The following WNT1 variants were observed in gnomAD, a reference collection of about 807,000 sequenced individuals.
WNT1 encodes proto-oncogene Wnt-1.
Under a neutral mutation model 21.3 loss-of-function variants are expected in WNT1, and 10 were observed. The ratio of observed to expected loss-of-function variants is 0.47; its 90% CI spans 0.29 to 0.80. The LOEUF (loss-of-function observed/expected upper bound fraction) is 0.80. WNT1 is among the 30% of genes least tolerant of loss of function. WNT1 has a pLI of 0.09. For missense variants in WNT1, 476 were observed against 534.1 expected, an observed-to-expected ratio of 0.89 and a Z score of 1.07; for synonymous variants, 208 against 236.3, an observed-to-expected ratio of 0.88 and a Z score of 1.10.
Position 48,981,780 on chromosome 12 carries a change from C to A in WNT1, c.*140C>A. On this transcript the variant is annotated 3_prime_UTR_variant, in exon 4 of 4. Transcript: ENST00000293549. The surrounding 1 kb of genome is among the most constrained non-coding windows in gnomAD (Gnocchi z 7.4). ...CGCGGTTCATACGCATCCCATCTCT[C>A]CCACTTCCTCCTACCTGGGGACTCC... 1 of 1,197,952 alleles carries A rather than the reference C, an allele frequency of 8.3e-7. No individual in the cohort carries two copies. The highest frequency in any genetic ancestry group is 1.1e-6 in the Non-Finnish European group (1 of 905,464). The allele number at this position is 1,197,952 out of a possible 1,614,324, so 74.2% of individuals were successfully genotyped here.
At position 48,978,446 on chromosome 12, in the gene WNT1, A is replaced by C; in HGVS notation, c.-205A>C. 3.4e-6 allele frequency: 2 copies of C among 582,600 alleles called. No individual in the cohort carries two copies. Among genetic ancestry groups the C allele is most frequent in the Non-Finnish European group, 3.0e-6 (1 of 328,896 alleles). 36.1% of individuals were successfully genotyped at this position (582,600 alleles called of 1,614,324 possible). On this transcript the variant is annotated 5_prime_UTR_variant, in exon 1 of 4. Transcript: ENST00000293549. This position sits in a 1 kb window ranked among gnomAD's most constrained non-coding sequence, Gnocchi z 7.4. Reference sequence around the variant, plus strand: ...CGTCACTTCAGCCAGCGCCGCAACTATAAGAGGCGGTGCCGCCCGCCGTGG... The same window carrying C: ...CGTCACTTCAGCCAGCGCCGCAACTCTAAGAGGCGGTGCCGCCCGCCGTGG...
chr12:48,978,761 G>C lies in WNT1; in HGVS notation c.104+7G>C. 6.3e-7 allele frequency: 1 copy of C among 1,582,084 alleles called. No homozygotes were observed. Among genetic ancestry groups the C allele is most frequent in the Admixed American group, 1.7e-5 (1 of 58,882 alleles). On this transcript the variant is annotated splice_region_variant and intron_variant, in intron 1 of 3. Coordinates refer to ENST00000293549, the MANE Select transcript of WNT1 (RefSeq NM_005430.4). This position sits in a 1 kb window ranked among gnomAD's most constrained non-coding sequence, Gnocchi z 7.4. ...ACAGCAGTGGCCGATGGTGGTAAGT[G>C]AGCTGGTGCGGGGTCGCCACTTGTC... is the stretch of plus-strand genomic sequence containing the variant.
chr12:48,979,854 C>G lies in WNT1; in HGVS notation c.358+133C>G, dbSNP rs1940987346. ...ACACAATCAACCTTGCCAAGTGCCTCGTGCCCAGCGCCAGCTCGGGGCCAG... is the reference window on the plus strand; with the variant it reads ...ACACAATCAACCTTGCCAAGTGCCTGGTGCCCAGCGCCAGCTCGGGGCCAG... On this transcript the variant is annotated intron_variant, in intron 2 of 3. Coordinates refer to ENST00000293549, the MANE Select transcript of WNT1 (RefSeq NM_005430.4). This position sits in a 1 kb window ranked among gnomAD's most constrained non-coding sequence, Gnocchi z 6.0. The G allele has an allele frequency of 7.7e-6, 10 of 1,303,678 alleles. No homozygotes were observed. In the South Asian group the frequency reaches 1.6e-4, roughly 21 times the overall value. 80.8% of individuals were successfully genotyped at this position (1,303,678 alleles called of 1,614,324 possible).
In WNT1 at chr12:48,981,239, A is replaced by G. The variant is rs1443113114; in HGVS notation, c.712A>G (p.Thr238Ala). ...TVRTCWMRLP[T>A]LRAVGDVLRD... ...GCGCACGTGCTGGATGCGGCTGCCCACGCTGCGCGCCGTGGGCGATGTGCT... is the reference window on the plus strand; with the variant it reads ...GCGCACGTGCTGGATGCGGCTGCCCGCGCTGCGCGCCGTGGGCGATGTGCT... Residue 238 changes from threonine to alanine, a missense_variant, in exon 4 of 4, where the codon ACG becomes GCG. Transcript: ENST00000293549. The surrounding 1 kb of genome is among the most constrained non-coding windows in gnomAD (Gnocchi z 7.4). The G allele has an allele frequency of 1.2e-6, 2 of 1,609,756 alleles. No homozygotes were observed. Among genetic ancestry groups the G allele is most frequent in the Admixed American group, 1.7e-5 (1 of 59,808 alleles).
Position 48,981,292 on chromosome 12 carries a change from C to T in WNT1, c.765C>T (p.Arg255=), listed in dbSNP as rs1941010029. The part of the protein sequence containing the change: ...VLRDRFDGAS[R]VLYGNRGSNR... ...GCGACCGCTTCGACGGCGCCTCGCG[C>T]GTCCTGTACGGCAACCGCGGCAGCA... The change falls in exon 4 of 4, where the codon CGC becomes CGT. Residue 255 remains arginine, a synonymous_variant. Coordinates refer to ENST00000293549, the MANE Select transcript of WNT1 (RefSeq NM_005430.4). The surrounding 1 kb of genome is among the most constrained non-coding windows in gnomAD (Gnocchi z 7.4). The T allele has an allele frequency of 1.3e-6, 2 of 1,591,850 alleles. No individual in the cohort carries two copies. Among genetic ancestry groups the T allele is most frequent in the South Asian group, 2.2e-5 (2 of 89,266 alleles).
In WNT1 at chr12:48,979,717, C is replaced by T; in HGVS notation, c.354C>T (p.Asn118=). 6.3e-7 allele frequency: 1 copy of T among 1,587,188 alleles called. No individual in the cohort carries two copies. Among genetic ancestry groups the T allele is most frequent in the Non-Finnish European group, 8.6e-7 (1 of 1,161,674 alleles). The part of the protein sequence containing the change: ...PGPHLFGKIV[N]RGCRETAFIF... The stretch of plus-strand genomic sequence containing the variant: ...CCCACCTCTTCGGCAAGATCGTCAA[C>T]CGAGGTGGGTGCCCAGGAAGGCGAC... The change falls in exon 2 of 4, where the codon AAC becomes AAT. Residue 118 remains asparagine, a synonymous_variant. Transcript: ENST00000293549. The surrounding 1 kb of genome is among the most constrained non-coding windows in gnomAD (Gnocchi z 6.0).
chr12:48,981,011 C>A lies in WNT1; in HGVS notation c.625-141C>A. 7.3e-7 allele frequency: 1 copy of A among 1,369,646 alleles called. No individual in the cohort carries two copies. Among genetic ancestry groups the A allele is most frequent in the Non-Finnish European group, 9.8e-7 (1 of 1,025,606 alleles). 84.8% of individuals were successfully genotyped at this position (1,369,646 alleles called of 1,614,324 possible). On this transcript the variant is annotated intron_variant, in intron 3 of 3. Transcript: ENST00000293549. This position sits in a 1 kb window ranked among gnomAD's most constrained non-coding sequence, Gnocchi z 7.4. Reference sequence around the variant, plus strand: ...GTTTCCAAATCTCAGCGGAACATTTCGCGCCTCCCTTCCCCTGGGCTCAGC... The same window carrying A: ...GTTTCCAAATCTCAGCGGAACATTTAGCGCCTCCCTTCCCCTGGGCTCAGC...
In WNT1 at chr12:48,979,402, G is replaced by T; in HGVS notation, c.105-66G>T. On this transcript the variant is annotated intron_variant, in intron 1 of 3. Transcript: ENST00000293549. The surrounding 1 kb of genome is among the most constrained non-coding windows in gnomAD (Gnocchi z 6.0). Reference sequence around the variant, plus strand: ...CATACCCCCAGGAAGAGGACCGGGTGGCACAGTTTTTATGGTTAGGGTGCG... The same window carrying T: ...CATACCCCCAGGAAGAGGACCGGGTTGCACAGTTTTTATGGTTAGGGTGCG... 1 of 1,526,854 alleles carries T rather than the reference G, an allele frequency of 6.5e-7. No individual in the cohort carries two copies. Among genetic ancestry groups the T allele is most frequent in the South Asian group, 1.2e-5 (1 of 80,694 alleles). 94.6% of individuals were successfully genotyped at this position (1,526,854 alleles called of 1,614,324 possible).
Position 48,979,893 on chromosome 12 carries a change from G to C in WNT1, c.358+172G>C, listed in dbSNP as rs1592257130. Among the ~76,000 whole-genome samples, 1 of 152,342 alleles carries C rather than the reference G, an allele frequency of 6.6e-6. No individual in the cohort carries two copies. Among genetic ancestry groups the C allele is most frequent in the East Asian group, 1.9e-4 (1 of 5,186 alleles). On this transcript the variant is annotated intron_variant, in intron 2 of 3. Transcript: ENST00000293549. This position sits in a 1 kb window ranked among gnomAD's most constrained non-coding sequence, Gnocchi z 6.0. ...GCTCGGGGCCAGACTTCTACCAGGC[G>C]TTTTCCAGCCGTGCACCCTGGAAAC... is the stretch of plus-strand genomic sequence containing the variant.
Position 48,978,505 on chromosome 12 carries a change from T to A in WNT1, c.-146T>A, listed in dbSNP as rs1940964679. 5 of 642,246 alleles carry A rather than the reference T, an allele frequency of 7.8e-6. No individual in the cohort carries two copies. Among genetic ancestry groups the A allele is most frequent in the Non-Finnish European group, 1.4e-5 (5 of 362,816 alleles). 39.8% of individuals were successfully genotyped at this position (642,246 alleles called of 1,614,324 possible). Reference sequence around the variant, plus strand: ...GCCCACCAGCCGGGACCGCGAGCCATGCTGTCCGCCGCCCGCCCCCAGGGT... The same window carrying A: ...GCCCACCAGCCGGGACCGCGAGCCAAGCTGTCCGCCGCCCGCCCCCAGGGT... On this transcript the variant is annotated 5_prime_UTR_variant, in exon 1 of 4. It removes an upstream start codon present in the reference 5' UTR. Coordinates refer to ENST00000293549, the MANE Select transcript of WNT1 (RefSeq NM_005430.4). The surrounding 1 kb of genome is among the most constrained non-coding windows in gnomAD (Gnocchi z 7.4).
rs1362343619 is a variant in WNT1, at chr12:48,979,904, G to A, written c.358+183G>A. ...GACTTCTACCAGGCGTTTTCCAGCCGTGCACCCTGGAAACGAAGCTTAACT... is the reference window on the plus strand; with the variant it reads ...GACTTCTACCAGGCGTTTTCCAGCCATGCACCCTGGAAACGAAGCTTAACT... On this transcript the variant is annotated intron_variant, in intron 2 of 3. Coordinates refer to ENST00000293549, the MANE Select transcript of WNT1 (RefSeq NM_005430.4). This position sits in a 1 kb window ranked among gnomAD's most constrained non-coding sequence, Gnocchi z 6.0. 2.0e-5 allele frequency among the ~76,000 whole-genome samples: 3 copies of A among 152,196 alleles called. No homozygotes were observed. The highest frequency in any genetic ancestry group is 6.5e-5 in the Admixed American group (1 of 15,284).
chr12:48,981,006 C>A lies in WNT1; in HGVS notation c.625-146C>A. The A allele has an allele frequency of 7.4e-7, 1 of 1,350,458 alleles. No individual in the cohort carries two copies. Among genetic ancestry groups the A allele is most frequent in the Non-Finnish European group, 9.9e-7 (1 of 1,009,852 alleles). 83.7% of individuals were successfully genotyped at this position (1,350,458 alleles called of 1,614,324 possible). On this transcript the variant is annotated intron_variant, in intron 3 of 3. Coordinates refer to ENST00000293549, the MANE Select transcript of WNT1 (RefSeq NM_005430.4). The surrounding 1 kb of genome is among the most constrained non-coding windows in gnomAD (Gnocchi z 7.4). ...GCAGGGTTTCCAAATCTCAGCGGAACATTTCGCGCCTCCCTTCCCCTGGGC... is the reference window on the plus strand; with the variant it reads ...GCAGGGTTTCCAAATCTCAGCGGAAAATTTCGCGCCTCCCTTCCCCTGGGC...
Position 48,981,480 on chromosome 12 carries a change from C to G in WNT1, c.953C>G (p.Ser318Trp), listed in dbSNP as rs976018078. Residue 318 changes from serine to tryptophan, a missense_variant, in exon 4 of 4, where the codon TCG (serine) becomes TGG (tryptophan). Ser to Trp is a radical substitution (Grantham distance 177). Transcript: ENST00000293549. The surrounding 1 kb of genome is among the most constrained non-coding windows in gnomAD (Gnocchi z 7.4). ...AGTAGRACNSSSPALDGCELL... is the reference protein window; with the variant it reads ...AGTAGRACNSWSPALDGCELL... ...ACGGCAGGGCGCGCCTGTAACAGCTCGTCGCCCGCGCTGGACGGCTGCGAG... is the reference window on the plus strand; with the variant it reads ...ACGGCAGGGCGCGCCTGTAACAGCTGGTCGCCCGCGCTGGACGGCTGCGAG... 2 of 1,553,692 alleles carry G rather than the reference C, an allele frequency of 1.3e-6. No homozygotes were observed. Among genetic ancestry groups the G allele is most frequent in the Middle Eastern group, 1.7e-4 (1 of 5,990 alleles).
At position 48,979,265 on chromosome 12, in the gene WNT1, G is replaced by C; in HGVS notation, c.105-203G>C. ...GTCCAGTCTCCGGACCTAGGGCTCAGGCGAGCAGCCCTGGGACTACTGGGC... is the reference window on the plus strand; with the variant it reads ...GTCCAGTCTCCGGACCTAGGGCTCACGCGAGCAGCCCTGGGACTACTGGGC... On this transcript the variant is annotated intron_variant, in intron 1 of 3. Coordinates refer to ENST00000293549, the MANE Select transcript of WNT1 (RefSeq NM_005430.4). The surrounding 1 kb of genome is among the most constrained non-coding windows in gnomAD (Gnocchi z 6.0). 6.6e-6 allele frequency among the ~76,000 whole-genome samples: 1 copy of C among 152,182 alleles called. No homozygotes were observed. Among genetic ancestry groups the C allele is most frequent in the Non-Finnish European group, 1.5e-5 (1 of 68,030 alleles).
rs1940987052 is a variant in WNT1 at position 48,979,836 on chromosome 12, C to A, written c.358+115C>A. 1.4e-6 allele frequency: 2 copies of A among 1,392,372 alleles called. No individual in the cohort carries two copies. The highest frequency in any genetic ancestry group is 1.5e-5 in the South Asian group (1 of 65,502). 86.3% of individuals were successfully genotyped at this position (1,392,372 alleles called of 1,614,324 possible). On this transcript the variant is annotated intron_variant, in intron 2 of 3. Transcript: ENST00000293549. The surrounding 1 kb of genome is among the most constrained non-coding windows in gnomAD (Gnocchi z 6.0). ...CCAGGCGCCTGGAGGGTCACACAAT[C>A]AACCTTGCCAAGTGCCTCGTGCCCA...
Position 48,981,775 on chromosome 12 carries a change from T to G in WNT1, c.*135T>G. 1 of 1,224,974 alleles carries G rather than the reference T, an allele frequency of 8.2e-7. No individual in the cohort carries two copies. The highest frequency in any genetic ancestry group is 1.1e-6 in the Non-Finnish European group (1 of 929,762). 75.9% of individuals were successfully genotyped at this position (1,224,974 alleles called of 1,614,324 possible). Reference sequence around the variant, plus strand: ...CTCCCCGCGGTTCATACGCATCCCATCTCTCCCACTTCCTCCTACCTGGGG... The same window carrying G: ...CTCCCCGCGGTTCATACGCATCCCAGCTCTCCCACTTCCTCCTACCTGGGG... On this transcript the variant is annotated 3_prime_UTR_variant, in exon 4 of 4. Coordinates refer to ENST00000293549, the MANE Select transcript of WNT1 (RefSeq NM_005430.4). This position sits in a 1 kb window ranked among gnomAD's most constrained non-coding sequence, Gnocchi z 7.4.
In WNT1 at chr12:48,980,374, G is replaced by T. The variant is rs902572914; in HGVS notation, c.359-50G>T. ...GTCCCAAGCCCTTCATGAGGGTGCT[G>T]GCCGCGCCCCGCGTACCCCCTCGCT... On this transcript the variant is annotated intron_variant, in intron 2 of 3. Coordinates refer to ENST00000293549, the MANE Select transcript of WNT1 (RefSeq NM_005430.4). The surrounding 1 kb of genome is among the most constrained non-coding windows in gnomAD (Gnocchi z 7.0). 6.2e-7 allele frequency: 1 copy of T among 1,608,960 alleles called. No individual in the cohort carries two copies. The highest frequency in any genetic ancestry group is 1.3e-5 in the African/African-American group (1 of 74,844).
chr12:48,978,870 C>T lies in WNT1; in HGVS notation c.104+116C>T, dbSNP rs962556300. ...CCGACAGGCTCCCTCCCCGCTCTGA[C>T]TTCCCTCCGCGACACCGAAGGGCGA... On this transcript the variant is annotated intron_variant, in intron 1 of 3. Transcript: ENST00000293549. This position sits in a 1 kb window ranked among gnomAD's most constrained non-coding sequence, Gnocchi z 7.4. 2 of 714,672 alleles carry T rather than the reference C, an allele frequency of 2.8e-6. No individual in the cohort carries two copies. Among genetic ancestry groups the T allele is most frequent in the African/African-American group, 3.6e-5 (2 of 54,928 alleles). 44.3% of individuals were successfully genotyped at this position (714,672 alleles called of 1,614,324 possible).
At position 48,979,426 on chromosome 12, in the gene WNT1, C is replaced by G. The variant is rs1025267815; in HGVS notation, c.105-42C>G. The G allele has an allele frequency of 1.4e-5, 22 of 1,558,114 alleles. No individual in the cohort carries two copies. Among genetic ancestry groups the G allele is most frequent in the Non-Finnish European group, 1.8e-5 (21 of 1,147,072 alleles). On this transcript the variant is annotated intron_variant, in intron 1 of 3. Coordinates refer to ENST00000293549, the MANE Select transcript of WNT1 (RefSeq NM_005430.4). The surrounding 1 kb of genome is among the most constrained non-coding windows in gnomAD (Gnocchi z 6.0). ...TGGCACAGTTTTTATGGTTAGGGTG[C>G]GGATCCCCTTCCTGAGCCTGAGCTA...
Sources: allele counts gnomAD v4.1 joint callset (sites outside exome capture counted in the v4.1 genomes callset), GRCh38; gene constraint gnomAD v4.1.1; non-coding constraint Gnocchi (gnomAD v3.1); transcripts MANE v1.5; gene names NCBI Gene and HGNC (gene_info 2026-07-23, HGNC 2026-07-21).